The following SPATS2L variants were observed in gnomAD, a reference collection of about 807,000 sequenced individuals.
SPATS2L encodes the protein spermatogenesis associated serine rich 2 like, also known as SPATS2-like protein.
A neutral mutation model predicts 59.6 loss-of-function variants in SPATS2L; 30 were observed. That is an observed-to-expected ratio of 0.50 (90% CI 0.38 to 0.68). SPATS2L has a LOEUF of 0.68. Among genes scored for constraint, SPATS2L ranks in the 30% least tolerant of loss-of-function variants. The pLI, the probability that SPATS2L is intolerant of heterozygous loss-of-function variation, is 0.00. For synonymous variants in SPATS2L, 252 were observed against 263.5 expected, an observed-to-expected ratio of 0.96 and a Z score of 0.42; for missense variants, 615 against 700.0, an observed-to-expected ratio of 0.88 and a Z score of 1.37.
At chr2:200,357,700 A>C (rs1397549020) in intron 2 of SPATS2L, among the ~76,000 whole-genome samples, 1 of 152,198 alleles carries the variant, frequency 6.6e-6, no homozygotes, top group African/African-American at 2.4e-5. Flanking sequence ...CCCATTTCAC[A>C]TGAAATGACA....
In SPATS2L at chr2:200,472,849, A is replaced by G; in HGVS notation, c.1078A>G (p.Asn360Asp). ...LCGEITHPKN[N>D]YSSRTPCSSL... Reference sequence around the variant, plus strand: ...TATTGCAGTTACACATCCAAAGAACAACTATTCCTCAAGAACTCCCTGCAG... The same window carrying G: ...TATTGCAGTTACACATCCAAAGAACGACTATTCCTCAAGAACTCCCTGCAG... The change falls in exon 12 of 13, where the codon AAC (asparagine) becomes GAC (aspartate). Residue 360 changes from asparagine (N) to aspartate (D), a missense_variant. Asn to Asp is a conservative substitution (Grantham distance 23). Transcript: ENST00000409140. 6.2e-7 allele frequency: 1 copy of G among 1,613,946 alleles called. No homozygotes were observed. The highest frequency in any genetic ancestry group is 8.5e-7 in the Non-Finnish European group (1 of 1,179,870).
rs1411317321 is a variant in SPATS2L, at chr2:200,306,906, C to G, written c.-89C>G. ...CGGCTCCGGCCCGGGACGGAGGAGC[C>G]GGCGCTCGACACAGAGGTAAGCCCA... On this transcript the variant is annotated 5_prime_UTR_variant, in exon 1 of 13. Transcript: ENST00000409140. The G allele has an allele frequency of 1.0e-6, 1 of 980,996 alleles. No individual in the cohort carries two copies. The highest frequency in any genetic ancestry group is 1.2e-6 in the Non-Finnish European group (1 of 828,294). 60.8% of individuals were successfully genotyped at this position (980,996 alleles called of 1,614,324 possible).
intron 2 of SPATS2L, among the ~76,000 whole-genome samples, chr2:200,371,671 T>A (rs1203121840): frequency 6.6e-6 from 1 of 152,224 alleles, no homozygotes; most frequent in African/African-American, 2.4e-5. Flanking sequence ...AAATGTCTTA[T>A]CTACAAATTA....
chr2:200,473,981 C>A (rs1005453489), intron 12 of SPATS2L, among the ~76,000 whole-genome samples: 3 of 151,592 alleles, frequency 2.0e-5, no homozygotes, highest in African/African-American at 7.3e-5. Flanking sequence ...GCCTGGGCAA[C>A]AGAGTGAGAC....
chr2:200,421,584 A>C (rs534749425), intron 6 of SPATS2L, among the ~76,000 whole-genome samples: 1 of 152,308 alleles, frequency 6.6e-6, no homozygotes, highest in East Asian at 1.9e-4. Flanking sequence ...TCTTCCAGAA[A>C]CACATTTCCT....
chr2:200,393,420 C>T (rs1036397504), intron 3 of SPATS2L: 54 of 430,740 alleles, frequency 1.3e-4, no homozygotes, highest in South Asian at 8.7e-4. Flanking sequence ...CCACAGTCAT[C>T]CCACTCCTCA....
chr2:200,308,694 A>G (rs1335550801), intron 1 of SPATS2L, among the ~76,000 whole-genome samples: 1 of 152,214 alleles, frequency 6.6e-6, no homozygotes, highest in Non-Finnish European at 1.5e-5. Flanking sequence ...TAAAAATACA[A>G]TCACTTGAAT....
At position 200,480,630 on chromosome 2, in the gene SPATS2L, C is replaced by CG. The variant is rs1386784167; in HGVS notation, c.*2599_*2600insG. The CG allele has an allele frequency of 6.6e-6, 1 of 152,454 alleles. No homozygotes were observed. The highest frequency in any genetic ancestry group is 1.5e-5 in the Non-Finnish European group (1 of 68,064). 9.4% of individuals were successfully genotyped at this position (152,454 alleles called of 1,614,324 possible). ...AAGTGATCTTCCTGCTTTGGCCTCC[C>CG]AAAGTGTTAGAATTACAGGCATGAG... is the stretch of plus-strand genomic sequence containing the variant. On this transcript the variant is annotated 3_prime_UTR_variant, in exon 13 of 13. Transcript: ENST00000409140.
rs1032210466 is a variant in SPATS2L, at chr2:200,479,422, A to C, written c.*1391A>C. The stretch of plus-strand genomic sequence containing the variant: ...CCATTGCTGGTAGGCCTGTCTCTTA[A>C]ACCAATCATGAAAGGGGGGAGAGAA... On this transcript the variant is annotated 3_prime_UTR_variant, in exon 13 of 13. Coordinates refer to ENST00000409140, the MANE Select transcript of SPATS2L (RefSeq NM_001100423.2). 5.0e-6 allele frequency: 2 copies of C among 397,600 alleles called. No individual in the cohort carries two copies. Among genetic ancestry groups the C allele is most frequent in the Admixed American group, 8.8e-5 (2 of 22,716 alleles). The allele number at this position is 397,600 out of a possible 1,614,324, so 24.6% of individuals were successfully genotyped here.
rs918237319 is a variant in SPATS2L at position 200,479,197 on chromosome 2, C to T, written c.*1166C>T. 5.4e-6 allele frequency: 1 copy of T among 186,064 alleles called. No individual in the cohort carries two copies. The highest frequency in any genetic ancestry group is 1.1e-5 in the Non-Finnish European group (1 of 90,412). 11.5% of individuals were successfully genotyped at this position (186,064 alleles called of 1,614,324 possible). On this transcript the variant is annotated 3_prime_UTR_variant, in exon 13 of 13. Transcript: ENST00000409140. ...GAATTACAGGCATGAGCCACCGTAC[C>T]CGGCCAGCTCCCATCTCTTAATTAT...
At chr2:200,324,489 C>T (rs975036761) in intron 1 of SPATS2L, among the ~76,000 whole-genome samples, 9 of 152,076 alleles carry the variant, frequency 5.9e-5, no homozygotes, top group African/African-American at 2.2e-4. Flanking sequence ...TCTGAATTTC[C>T]CTTCTTTGCT....
intron 6 of SPATS2L, among the ~76,000 whole-genome samples, chr2:200,431,315 CTACCAAT>C (rs2083919915): frequency 1.3e-5 from 2 of 152,152 alleles, no homozygotes; most frequent in Non-Finnish European, 2.9e-5. Flanking sequence ...TACCAAAGAA[CTACCAAT>C]TGTATTATCA....
Position 200,470,869 on chromosome 2 carries a change from T to C in SPATS2L, c.1060+853T>C, listed in dbSNP as rs116677089. Among the ~76,000 whole-genome samples the C allele has an allele frequency of 8.0e-3, 1,216 of 152,330 alleles. 21 individuals are homozygous for C. The highest frequency in any genetic ancestry group is 0.028 in the African/African-American group (1,157 of 41,562). ...CAGTCATTTCTCTAAATATAATAGA[T>C]GTCACCGGTCTTCTGGTTGCTGCAT... On this transcript the variant is annotated intron_variant, in intron 11 of 12. Transcript: ENST00000409140.
chr2:200,373,303 G>T, intron 2 of SPATS2L: 1 of 144,726 alleles, frequency 6.9e-6, no homozygotes, highest in Non-Finnish European at 1.5e-5. Context: ...GAACAAAACT[G>T]ACTAATACTG....
chr2:200,313,197 G>A (rs1286153587), intron 1 of SPATS2L, among the ~76,000 whole-genome samples: 1 of 152,254 alleles, frequency 6.6e-6, no homozygotes, highest in East Asian at 1.9e-4. Flanking sequence ...TGTCAGCAAC[G>A]CCTGTGGCTC....
At chr2:200,395,308 C>T (rs1574380652) in intron 3 of SPATS2L, among the ~76,000 whole-genome samples, 1 of 152,166 alleles carries the variant, frequency 6.6e-6, no homozygotes, top group East Asian at 1.9e-4. Context: ...AGCAGTAAAA[C>T]TTGGTGATGG....
chr2:200,422,064 G>T (rs1360338818), intron 6 of SPATS2L, among the ~76,000 whole-genome samples: 3 of 152,218 alleles, frequency 2.0e-5, no homozygotes, highest in African/African-American at 7.2e-5. Context: ...AGGGGAATGG[G>T]TACAAGGGGG....
At chr2:200,327,210 C>T (rs1406073662) in intron 1 of SPATS2L, among the ~76,000 whole-genome samples, 2 of 151,768 alleles carry the variant, frequency 1.3e-5, no homozygotes, top group African/African-American at 2.4e-5. Context: ...TTGAGACTAC[C>T]CTGGCCAACA....
chr2:200,334,588 A>G (rs1227691307), intron 2 of SPATS2L, among the ~76,000 whole-genome samples: 1 of 151,778 alleles, frequency 6.6e-6, no homozygotes, highest in East Asian at 1.9e-4. Flanking sequence ...GTCCTTGCCC[A>G]TGCCTATGTC....
Sources: gnomAD v4.1 joint callset for allele counts (sites outside exome capture counted in the v4.1 genomes callset) on GRCh38, gnomAD v4.1.1 for gene constraint, MANE v1.5 for transcripts, NCBI Gene and HGNC (gene_info 2026-07-23, HGNC 2026-07-21) for gene names.